C8orf34: variants seen among roughly 807,000 people sequenced by gnomAD.
The protein encoded by C8orf34 is chromosome 8 open reading frame 34, also known as uncharacterized protein C8orf34.
C8orf34 carries 65 observed loss-of-function variants against 68.3 expected under a neutral mutation model. The observed-to-expected ratio is 0.95, with a 90% CI of 0.78 to 1.17. The LOEUF is 1.17. Among genes scored for constraint, C8orf34 ranks in the 50% most tolerant of loss-of-function variants. C8orf34 has a pLI of 0.00. For synonymous variants in C8orf34, 244 were observed against 241.2 expected (o/e 1.01, Z -0.11); for missense variants, 664 against 655.4 (o/e 1.01, Z -0.14).
chr8:68,379,729 T>C (rs766868252), intron 1 of C8orf34, among the ~76,000 whole-genome samples: 5 of 152,224 alleles, frequency 3.3e-5, no homozygotes, highest in Non-Finnish European at 5.9e-5. Context: ...CCTTGTCCAG[T>C]GTAGGCCACT....
intron 1 of C8orf34, among the ~76,000 whole-genome samples, chr8:68,404,926 G>A (rs546055684): frequency 4.3e-4 from 65 of 152,070 alleles, no homozygotes; most frequent in African/African-American, 1.5e-3. Context: ...AACTTGATGG[G>A]GATAGCATTG....
At chr8:68,446,290 T>A (rs764241885) in intron 2 of C8orf34, 39 bp from the exon 3 acceptor site, 23 of 1,532,632 alleles carry the variant, frequency 1.5e-5, no homozygotes, top group Non-Finnish European at 1.8e-5. Context: ...AATCTTGAAA[T>A]CACTTTGTTG....
At chr8:68,335,115 A>G (rs565219191) in intron 1 of C8orf34, among the ~76,000 whole-genome samples, 1 of 152,256 alleles carries the variant, frequency 6.6e-6, no homozygotes, top group South Asian at 2.1e-4. Flanking sequence ...GCTACCTGTT[A>G]TTTAATACAT....
intron 1 of C8orf34, among the ~76,000 whole-genome samples, chr8:68,427,152 G>A (rs948697122): frequency 2.0e-5 from 3 of 152,016 alleles, no homozygotes; most frequent in Non-Finnish European, 1.5e-5. Flanking sequence ...ACTAAAAATG[G>A]CCCTAACATG....
At chr8:68,474,176 A>G (rs1320164701) in intron 4 of C8orf34, among the ~76,000 whole-genome samples, 2 of 152,156 alleles carry the variant, frequency 1.3e-5, no homozygotes, top group Non-Finnish European at 2.9e-5. Flanking sequence ...TTTTTACAAC[A>G]TGCCCAAAGC....
intron 7 of C8orf34, among the ~76,000 whole-genome samples, chr8:68,590,070 A>G (rs72666713): frequency 0.17 from 24,940 of 150,972 alleles, 2,711 homozygotes; most frequent in Middle Eastern, 0.31. Context: ...CAAGAAAAGA[A>G]AGAAAGGAAA....
At chr8:68,787,631 T>TAAA in intron 12 of C8orf34, 95 bp downstream of exon 12, 1 of 571,148 alleles carries the variant, frequency 1.8e-6, no homozygotes, top group Non-Finnish European at 2.8e-6. Flanking sequence ...ACAACTTCTG[T>TAAA]AAAAAAAAAA....
At chr8:68,452,094 C>T (rs1008865095) in intron 3 of C8orf34, among the ~76,000 whole-genome samples, 1 of 151,838 alleles carries the variant, frequency 6.6e-6, no homozygotes, top group African/African-American at 2.4e-5. Flanking sequence ...GTGGTTAAAC[C>T]ACATTTTGTT....
intron 8 of C8orf34, among the ~76,000 whole-genome samples, chr8:68,669,119 T>C (rs916098498): frequency 3.3e-5 from 5 of 152,164 alleles, no homozygotes; most frequent in Admixed American, 2.6e-4. Context: ...AAAAAACGAA[T>C]AACTCACCTT....
Position 68,609,649 on chromosome 8 carries a change from T to G in C8orf34, c.1106-30727T>G, listed in dbSNP as rs967726806. Among the ~76,000 whole-genome samples the G allele has an allele frequency of 1.8e-4, 28 of 152,122 alleles. 1 individual carries two copies. Among genetic ancestry groups the G allele is most frequent in the Non-Finnish European group, 1.5e-5 (1 of 68,020 alleles). On this transcript the variant is annotated intron_variant, in intron 7 of 13. Coordinates refer to ENST00000518698, the MANE Select transcript of C8orf34 (RefSeq NM_052958.4). ...CAGTGTGCTGAAGGCAGTATTCAGT[T>G]TGCAGTAGATAGAAAAATTGATAGT...
intron 12 of C8orf34, among the ~76,000 whole-genome samples, chr8:68,814,178 C>T (rs1006141044): frequency 6.6e-6 from 1 of 152,158 alleles, no homozygotes; most frequent in Non-Finnish European, 1.5e-5. Context: ...GTGAAGTTCT[C>T]AAACAAGCAG....
rs377004447 is a variant in C8orf34 at position 68,772,706 on chromosome 8, T to TC, written c.1405-3692dup. 7.1e-4 allele frequency among the ~76,000 whole-genome samples: 89 copies of TC among 125,616 alleles called. No homozygotes were observed. In the Middle Eastern group the frequency reaches 0.011, roughly 16 times the overall value. 82.4% of individuals were successfully genotyped at this position (125,616 alleles called of 152,430 possible). On this transcript the variant is annotated intron_variant, in intron 10 of 13. Coordinates refer to ENST00000518698, the MANE Select transcript of C8orf34 (RefSeq NM_052958.4). Reference sequence around the variant, plus strand: ...CTTTCCCTCCCTCCCTCCCTCCCTCTCTTTCTTTCTTTCTTTCTTTTTCTT... The same window carrying TC: ...CTTTCCCTCCCTCCCTCCCTCCCTCTCCTTTCTTTCTTTCTTTCTTTTTCTT...
At chr8:68,813,631 G>A (rs1824722405) in intron 12 of C8orf34, among the ~76,000 whole-genome samples, 1 of 152,096 alleles carries the variant, frequency 6.6e-6, no homozygotes, top group Non-Finnish European at 1.5e-5. Context: ...TCCAGAGGAA[G>A]CTGTTGCTTC....
intron 3 of C8orf34, among the ~76,000 whole-genome samples, chr8:68,455,842 T>A (rs955628681): frequency 6.6e-6 from 1 of 152,044 alleles, no homozygotes; most frequent in East Asian, 1.9e-4. Context: ...ACCAAAAAAA[T>A]TTCTGAGTAT....
intron 7 of C8orf34, 165 bp downstream of exon 7, chr8:68,533,314 A>G (rs1815329679): frequency 1.5e-6 from 2 of 1,375,530 alleles, no homozygotes; most frequent in East Asian, 5.4e-5. Context: ...TGCATGTAAG[A>G]ACTAAATTGA....
At chr8:68,696,767 C>T (rs1820847113) in intron 8 of C8orf34, among the ~76,000 whole-genome samples, 1 of 152,054 alleles carries the variant, frequency 6.6e-6, no homozygotes, top group African/African-American at 2.4e-5. Flanking sequence ...TGCTTTGCTT[C>T]ACTTTTTACT....
At chr8:68,359,848 A>G (rs780019510) in intron 1 of C8orf34, among the ~76,000 whole-genome samples, 17 of 152,238 alleles carry the variant, frequency 1.1e-4, no homozygotes, top group Non-Finnish European at 2.2e-4. Context: ...TGAAAGAATT[A>G]TGAAGGAATT....
Position 68,809,037 on chromosome 8 carries a change from TGG to T in C8orf34, c.1550-6848_1550-6847del, listed in dbSNP as rs538067007. Among the ~76,000 whole-genome samples, 4 of 152,198 alleles carry T rather than the reference TGG, an allele frequency of 2.6e-5. No homozygotes were observed. In the South Asian group the frequency reaches 8.3e-4, roughly 32 times the overall value. ...CCTTTTTCTGGAGGCTATCATGAAG[TGG>T]AAAAAAACCTGGAAGTCAGAAGACT... is the stretch of plus-strand genomic sequence containing the variant. On this transcript the variant is annotated intron_variant, in intron 12 of 13. Coordinates refer to ENST00000518698, the MANE Select transcript of C8orf34 (RefSeq NM_052958.4).
chr8:68,614,452 G>T (rs1818129930), intron 7 of C8orf34, among the ~76,000 whole-genome samples: 1 of 152,174 alleles, frequency 6.6e-6, no homozygotes, highest in South Asian at 2.1e-4. Flanking sequence ...AATCCATCTT[G>T]AATTAATTTT....
Sources: gnomAD v4.1 joint callset for allele counts (sites outside exome capture counted in the v4.1 genomes callset) on GRCh38, gnomAD v4.1.1 for gene constraint, MANE v1.5 for transcripts, NCBI Gene and HGNC (gene_info 2026-07-23, HGNC 2026-07-21) for gene names.